The following CCBE1 variants were observed in gnomAD, a reference collection of about 807,000 sequenced individuals.
CCBE1 encodes the protein collagen and calcium-binding EGF domain-containing protein 1.
A neutral mutation model predicts 50.0 loss-of-function variants in CCBE1; 37 were observed. The observed-to-expected ratio is 0.74, with a 90% CI of 0.57 to 0.97. The LOEUF (loss-of-function observed/expected upper bound fraction) is 0.97. CCBE1 is among the 50% of genes least tolerant of loss of function. The pLI, the probability that CCBE1 is intolerant of heterozygous loss-of-function variation, is 0.00. For synonymous variants in CCBE1, 234 were observed against 203.7 expected (o/e 1.15, Z -1.27); for missense variants, 538 against 523.8 (o/e 1.03, Z -0.26).
intron 2 of CCBE1, among the ~76,000 whole-genome samples, chr18:59,683,963 G>A (rs2054625135): frequency 6.6e-6 from 1 of 151,746 alleles, no homozygotes; most frequent in South Asian, 2.1e-4. Flanking sequence ...GGTAGCAGCT[G>A]GACCACCAGA....
In CCBE1 at chr18:59,492,579, G is replaced by A. The variant is rs968457686; in HGVS notation, c.213-12341C>T. The stretch of plus-strand genomic sequence containing the variant: ...TGAGTGTGAATGTGATTGCGGAGGT[G>A]ATGAGCCATTTTGGACAATGTGACG... On this transcript the variant is annotated intron_variant, in intron 2 of 10. Coordinates refer to ENST00000439986, the MANE Select transcript of CCBE1 (RefSeq NM_133459.4). 5.3e-5 allele frequency among the ~76,000 whole-genome samples: 8 copies of A among 152,278 alleles called. No homozygotes were observed. The East Asian group carries it at 1.2e-3, about 22-fold the overall frequency.
chr18:59,682,607 G>A (rs548418371), intron 2 of CCBE1, among the ~76,000 whole-genome samples: 1 of 152,298 alleles, frequency 6.6e-6, no homozygotes, highest in African/African-American at 2.4e-5. Context: ...ATACCATGCT[G>A]TAAAATGGCT....
At chr18:59,555,579 A>C (rs2052643907) in intron 2 of CCBE1, among the ~76,000 whole-genome samples, 1 of 152,240 alleles carries the variant, frequency 6.6e-6, no homozygotes, top group Non-Finnish European at 1.5e-5. Flanking sequence ...ATACAGTGGA[A>C]GTCTTCAGTG....
Position 59,623,395 on chromosome 18 carries a change from G to A in CCBE1, c.212+73234C>T, listed in dbSNP as rs1189678461. Among the ~76,000 whole-genome samples, 5 of 152,174 alleles carry A rather than the reference G, an allele frequency of 3.3e-5. No homozygotes were observed. In the East Asian group the frequency reaches 9.6e-4, roughly 29 times the overall value. On this transcript the variant is annotated intron_variant, in intron 2 of 10. Coordinates refer to ENST00000439986, the MANE Select transcript of CCBE1 (RefSeq NM_133459.4). ...AAAGGGAACTGAGGCATGGTGTGTG[G>A]TCAGGGCACTTATCCAAGACACCAA...
At chr18:59,632,007 G>A (rs2144627927) in intron 2 of CCBE1, among the ~76,000 whole-genome samples, 1 of 152,306 alleles carries the variant, frequency 6.6e-6, no homozygotes, top group South Asian at 2.1e-4. Context: ...ATGTCCTTAA[G>A]AATTAAAATA....
intron 2 of CCBE1, 73 bp from the exon 3 acceptor site, chr18:59,480,311 G>T: frequency 8.6e-7 from 1 of 1,163,018 alleles, no homozygotes; most frequent in Non-Finnish European, 1.3e-6. Context: ...ATTGTTGTTT[G>T]AATGAAATAA....
chr18:59,581,143 A>T (rs1439978782), intron 2 of CCBE1, among the ~76,000 whole-genome samples: 1 of 152,144 alleles, frequency 6.6e-6, no homozygotes, highest in Non-Finnish European at 1.5e-5. Context: ...TCTTGTGGAC[A>T]ATGTTCAAGG....
intron 2 of CCBE1, among the ~76,000 whole-genome samples, chr18:59,544,385 T>C (rs1915603408): frequency 6.6e-6 from 1 of 152,202 alleles, no homozygotes; most frequent in Non-Finnish European, 1.5e-5. Flanking sequence ...ACCCTCACCA[T>C]TATGAAATAA....
rs1043681283 is a variant in CCBE1, at chr18:59,432,691, G to A, written c.*3217C>T. On this transcript the variant is annotated 3_prime_UTR_variant, in exon 11 of 11. Coordinates refer to ENST00000439986, the MANE Select transcript of CCBE1 (RefSeq NM_133459.4). The stretch of plus-strand genomic sequence containing the variant: ...CAGCAGATTGACATTATAAAATACA[G>A]GTTACCATAAGTTTTGCTGGAGAAT... 6 of 152,088 alleles carry A rather than the reference G, an allele frequency of 3.9e-5. No homozygotes were observed. Among genetic ancestry groups the A allele is most frequent in the African/African-American group, 1.2e-4 (5 of 41,400 alleles). The allele number at this position is 152,088 out of a possible 1,614,324, so 9.4% of individuals were successfully genotyped here. A position where few individuals can be genotyped will look rare whatever the true frequency, so the allele number is the denominator to read the frequency against.
chr18:59,601,010 G>GTTTTTTTTTTTTTTTTTTTTTTTTTT (rs71177045), intron 2 of CCBE1, among the ~76,000 whole-genome samples: 4 of 58,004 alleles, frequency 6.9e-5, no homozygotes, highest in East Asian at 1.1e-3. Flanking sequence ...CTATGTGTCA[G>GTTTTTTTTTTTTTTTTTTTTTTTTTT]TTTTTTTTTT....
At chr18:59,551,023 A>C (rs1254199669) in intron 2 of CCBE1, among the ~76,000 whole-genome samples, 2 of 141,444 alleles carry the variant, frequency 1.4e-5, no homozygotes, top group East Asian at 2.0e-4. Flanking sequence ...AAAAAAAAAA[A>C]AAAAAAGAAA....
chr18:59,522,141 T>G (rs971301691), intron 2 of CCBE1, among the ~76,000 whole-genome samples: 2 of 150,698 alleles, frequency 1.3e-5, no homozygotes, highest in South Asian at 2.1e-4. Flanking sequence ...TTTTTTTTTG[T>G]ACATTTGTAT....
At position 59,465,259 on chromosome 18, in the gene CCBE1, C is replaced by T. The variant is rs750446878; in HGVS notation, c.553+1480G>A. Among the ~76,000 whole-genome samples the T allele has an allele frequency of 8.5e-4, 130 of 152,214 alleles. 1 individual carries two copies. The highest frequency in any genetic ancestry group is 4.6e-4 in the Admixed American group (7 of 15,282). ...GGGGACCAGAGCTGCTTCACACATG[C>T]ATATGGTGGTATTTTGATGACAAGG... On this transcript the variant is annotated intron_variant, in intron 5 of 10. Transcript: ENST00000439986.
intron 4 of CCBE1, among the ~76,000 whole-genome samples, chr18:59,467,408 G>T (rs1911802451): frequency 6.6e-6 from 1 of 152,150 alleles, no homozygotes; most frequent in Non-Finnish European, 1.5e-5. Flanking sequence ...CCAGTTAAAA[G>T]CCATGATGGC....
chr18:59,600,861 T>C, intron 2 of CCBE1, among the ~76,000 whole-genome samples: 1 of 152,090 alleles, frequency 6.6e-6, no homozygotes, highest in East Asian at 1.9e-4. Flanking sequence ...TCAAGAAGGC[T>C]TTAAGGTTGG....
At chr18:59,511,789 C>T (rs1341226000) in intron 2 of CCBE1, among the ~76,000 whole-genome samples, 1 of 152,190 alleles carries the variant, frequency 6.6e-6, no homozygotes, top group Non-Finnish European at 1.5e-5. Context: ...GTGAGCACAA[C>T]TCTACCCACT....
At chr18:59,544,488 G>A (rs1044595813) in intron 2 of CCBE1, among the ~76,000 whole-genome samples, 1 of 152,180 alleles carries the variant, frequency 6.6e-6, no homozygotes, top group Non-Finnish European at 1.5e-5. Flanking sequence ...TACATAAGAT[G>A]TACTTTTGCA....
At chr18:59,592,258 T>C (rs903826975) in intron 2 of CCBE1, among the ~76,000 whole-genome samples, 7 of 152,184 alleles carry the variant, frequency 4.6e-5, no homozygotes, top group African/African-American at 2.4e-5. Context: ...AAATAGTTAT[T>C]TTCAGGCTAT....
At chr18:59,550,401 G>C (rs911289079) in intron 2 of CCBE1, among the ~76,000 whole-genome samples, 3 of 152,178 alleles carry the variant, frequency 2.0e-5, no homozygotes, top group South Asian at 2.1e-4. Flanking sequence ...ATAACTATCT[G>C]GCCTTTAGAG....
Sources: gnomAD v4.1 joint callset for allele counts (sites outside exome capture counted in the v4.1 genomes callset) on GRCh38, gnomAD v4.1.1 for gene constraint, MANE v1.5 for transcripts, NCBI Gene and HGNC (gene_info 2026-07-23, HGNC 2026-07-21) for gene names.